Variants in SLCO1B1 observed in about 807,000 individuals in gnomAD.
The protein encoded by SLCO1B1 is solute carrier organic anion transporter family member 1B1.
A neutral mutation model predicts 70.1 loss-of-function variants in SLCO1B1; 81 were observed. That is an observed-to-expected ratio of 1.16 (90% CI 0.97 to 1.39). The LOEUF is 1.39. SLCO1B1 is among the 40% of genes most tolerant of loss of function. SLCO1B1 has a pLI of 0.00. For missense variants in SLCO1B1, 895 were observed against 799.6 expected (o/e 1.12, Z -1.44); for synonymous variants, 283 against 271.5 (o/e 1.04, Z -0.42).
intron 5 of SLCO1B1, among the ~76,000 whole-genome samples, chr12:21,177,848 A>G (rs1426808072): frequency 6.6e-6 from 1 of 152,162 alleles, no homozygotes; most frequent in Admixed American, 6.6e-5. Flanking sequence ...TAAAGTTTTG[A>G]TATTAAAGAA....
intron 2 of SLCO1B1, among the ~76,000 whole-genome samples, chr12:21,147,304 C>T (rs1054774338): frequency 2.0e-5 from 3 of 152,042 alleles, no homozygotes; most frequent in Non-Finnish European, 4.4e-5. Context: ...TAAAAAATTA[C>T]ACTTTAAGTT....
chr12:21,134,427 C>A (rs1384420305), intron 1 of SLCO1B1, among the ~76,000 whole-genome samples: 1 of 152,098 alleles, frequency 6.6e-6, no homozygotes, highest in Non-Finnish European at 1.5e-5. Flanking sequence ...CCTCCTTGTA[C>A]CTCTGGTAGA....
chr12:21,176,182 G>A (rs916773412), intron 4 of SLCO1B1, among the ~76,000 whole-genome samples: 3 of 152,088 alleles, frequency 2.0e-5, no homozygotes, highest in Non-Finnish European at 1.5e-5. Context: ...TACAAAAACT[G>A]TGTGTTTTAT....
At chr12:21,145,452 A>T (rs1194673985) in intron 2 of SLCO1B1, among the ~76,000 whole-genome samples, 1 of 139,548 alleles carries the variant, frequency 7.2e-6, no homozygotes, top group Non-Finnish European at 1.5e-5. Flanking sequence ...GGCACATGCC[A>T]CTTCACCCAG....
At chr12:21,172,118 C>T (rs1014742166) in intron 2 of SLCO1B1, among the ~76,000 whole-genome samples, 8 of 152,152 alleles carry the variant, frequency 5.3e-5, no homozygotes, top group African/African-American at 1.9e-4. Context: ...TTAATCGATA[C>T]ATTTTATTAA....
rs1365468762 is a variant in SLCO1B1, at chr12:21,197,180, A to C, written c.962A>C (p.Asn321Thr). 6.2e-7 allele frequency: 1 copy of C among 1,613,090 alleles called. No individual in the cohort carries two copies. Among genetic ancestry groups the C allele is most frequent in the Middle Eastern group, 1.7e-4 (1 of 6,046 alleles). The change falls in exon 8 of 15, where the codon AAT becomes ACT. Residue 321 changes from asparagine to threonine, a missense_variant. Physicochemically the swap from Asn to Thr is moderately conservative, Grantham distance 65 (BLOSUM62 0). Coordinates refer to ENST00000256958, the MANE Select transcript of SLCO1B1 (RefSeq NM_006446.5). ...AATCAAGGAAAAAATATTACCAAAA[A>C]TGTGACTGGTAAGTATTTAACATTC... ...LTNQGKNITK[N>T]VTGFFQSFKS...
intron 8 of SLCO1B1, 56 bp downstream of exon 8, chr12:21,197,244 G>A: frequency 6.3e-7 from 1 of 1,590,472 alleles, no homozygotes; most frequent in African/African-American, 1.3e-5. Flanking sequence ...TGAAAAGGAA[G>A]AATGAGTATT....
chr12:21,163,925 G>T (rs558191415), intron 2 of SLCO1B1, among the ~76,000 whole-genome samples: 1 of 142,794 alleles, frequency 7.0e-6, no homozygotes, highest in East Asian at 2.1e-4. Flanking sequence ...AGAGAAGACG[G>T]TATGAAACAA....
intron 7 of SLCO1B1, among the ~76,000 whole-genome samples, chr12:21,179,402 G>T (rs1479598481): frequency 6.6e-6 from 1 of 152,146 alleles, no homozygotes; most frequent in Non-Finnish European, 1.5e-5. Flanking sequence ...TCTTGTGGCT[G>T]CTGCATTGAT....
chr12:21,167,566 T>C (rs573313323), intron 2 of SLCO1B1, among the ~76,000 whole-genome samples: 1 of 152,290 alleles, frequency 6.6e-6, no homozygotes, highest in East Asian at 1.9e-4. Flanking sequence ...AAATAATGCA[T>C]CGTTTTGTCA....
intron 7 of SLCO1B1, among the ~76,000 whole-genome samples, chr12:21,195,834 A>G (rs1941086114): frequency 6.6e-6 from 1 of 152,114 alleles, no homozygotes; most frequent in African/African-American, 2.4e-5. Context: ...ACACTTCAAG[A>G]TAGGTGATAT....
chr12:21,238,266 A>G lies in SLCO1B1; in HGVS notation c.1866-713A>G, dbSNP rs554214765. On this transcript the variant is annotated intron_variant, in intron 14 of 14. Coordinates refer to ENST00000256958, the MANE Select transcript of SLCO1B1 (RefSeq NM_006446.5). ...AAGGCATTCTTTATTTCTGCTACAGAATTTTTTATTTTTAGCATTTTCTTG... is the reference window on the plus strand; with the variant it reads ...AAGGCATTCTTTATTTCTGCTACAGGATTTTTTATTTTTAGCATTTTCTTG... Among the ~76,000 whole-genome samples the G allele has an allele frequency of 2.2e-4, 33 of 152,146 alleles. No homozygotes were observed. In the South Asian group the frequency reaches 6.6e-3, roughly 31 times the overall value.
At chr12:21,203,242 A>T (rs1042358454) in intron 10 of SLCO1B1, among the ~76,000 whole-genome samples, 2 of 152,040 alleles carry the variant, frequency 1.3e-5, no homozygotes, top group African/African-American at 4.8e-5. Flanking sequence ...TTTTTCTGAT[A>T]TTATCTACAT....
intron 1 of SLCO1B1, among the ~76,000 whole-genome samples, chr12:21,138,136 G>A (rs1359251817): frequency 6.6e-6 from 1 of 152,204 alleles, no homozygotes; most frequent in Non-Finnish European, 1.5e-5. Flanking sequence ...GGTCTAAGAA[G>A]TTAGCAAATG....
At chr12:21,226,540 C>T (rs760396133) in intron 14 of SLCO1B1, among the ~76,000 whole-genome samples, 3 of 151,988 alleles carry the variant, frequency 2.0e-5, no homozygotes, top group Non-Finnish European at 4.4e-5. Context: ...TTGCTAGGAG[C>T]TCAGTGGGGA....
intron 14 of SLCO1B1, among the ~76,000 whole-genome samples, chr12:21,237,208 T>C (rs933097023): frequency 2.6e-5 from 4 of 152,186 alleles, no homozygotes; most frequent in Non-Finnish European, 4.4e-5. Context: ...TACCTTTCTT[T>C]ATGTATATCA....
At chr12:21,178,534 TA>T (rs1472403104) in intron 5 of SLCO1B1, 41 bp from the exon 6 acceptor site, 2 of 1,436,626 alleles carry the variant, frequency 1.4e-6, no homozygotes, top group Non-Finnish European at 1.9e-6. Context: ...ATAGAAATGC[TA>T]AAATTAATGT....
chr12:21,164,611 T>G (rs1012802038), intron 2 of SLCO1B1, among the ~76,000 whole-genome samples: 1 of 152,212 alleles, frequency 6.6e-6, no homozygotes, highest in Non-Finnish European at 1.5e-5. Context: ...GACTCCTCAA[T>G]GTTGAACATA....
chr12:21,214,627 C>T (rs1480824327), intron 11 of SLCO1B1, among the ~76,000 whole-genome samples: 2 of 149,296 alleles, frequency 1.3e-5, no homozygotes, highest in Non-Finnish European at 3.0e-5. Flanking sequence ...TTTTCCTAAT[C>T]AAGCCTGGGC....
Sources: gnomAD v4.1 joint callset for allele counts (sites outside exome capture counted in the v4.1 genomes callset) on GRCh38, gnomAD v4.1.1 for gene constraint, MANE v1.5 for transcripts, NCBI Gene and HGNC (gene_info 2026-07-23, HGNC 2026-07-21) for gene names.